The following LRPPRC variants were observed in gnomAD, a reference collection of about 807,000 sequenced individuals.
LRPPRC encodes leucine rich pentatricopeptide repeat containing, also known as leucine-rich PPR motif-containing protein, mitochondrial.
In LRPPRC, 120 loss-of-function variants were observed where a neutral mutation model predicts 180.3. The observed-to-expected ratio is 0.67, with a 90% CI of 0.57 to 0.77. LRPPRC has a LOEUF of 0.77. LRPPRC is among the 30% of genes least tolerant of loss of function. LRPPRC has a pLI of 0.00. For missense variants in LRPPRC, 2,012 were observed against 1,657.2 expected, an observed-to-expected ratio of 1.21 and a Z score of -3.72; for synonymous variants, 723 against 600.0, an observed-to-expected ratio of 1.21 and a Z score of -3.00.
intron 14 of LRPPRC, 135 bp downstream of exon 14, chr2:43,957,250 G>A (rs1673154900): frequency 5.5e-6 from 4 of 731,512 alleles, no homozygotes; most frequent in African/African-American, 3.5e-5. Flanking sequence ...AATTAAACAA[G>A]CAAAGGTTAT....
chr2:43,922,247 G>C lies in LRPPRC; in HGVS notation c.2896+2820C>G, dbSNP rs374099848. On this transcript the variant is annotated intron_variant, in intron 27 of 37. Coordinates refer to ENST00000260665, the MANE Select transcript of LRPPRC (RefSeq NM_133259.4). ...AGCAGTTTTATATTAATAAAAGCTA[G>C]TATTTAAATGTATGTAAGACTTACA... Among the ~76,000 whole-genome samples the C allele has an allele frequency of 9.8e-5, 15 of 152,298 alleles. No individual in the cohort carries two copies. In the South Asian group the frequency reaches 1.5e-3, roughly 15 times the overall value.
At position 43,888,588 on chromosome 2, in the gene LRPPRC, C is replaced by T. The variant is rs765322876; in HGVS notation, c.*12G>A. 1.1e-5 allele frequency: 17 copies of T among 1,509,882 alleles called. No homozygotes were observed. The highest frequency in any genetic ancestry group is 1.7e-4 in the Middle Eastern group (1 of 5,726). The allele number at this position is 1,509,882 out of a possible 1,614,324, so 93.5% of individuals were successfully genotyped here. On this transcript the variant is annotated 3_prime_UTR_variant, in exon 38 of 38. Coordinates refer to ENST00000260665, the MANE Select transcript of LRPPRC (RefSeq NM_133259.4). Reference sequence around the variant, plus strand: ...CACAAATATATACAAAACAAAGTATCGCCTGGTTATTTCAAGAAGAGTTTT... The same window carrying T: ...CACAAATATATACAAAACAAAGTATTGCCTGGTTATTTCAAGAAGAGTTTT...
chr2:43,935,774 TA>T (rs1256497512), intron 23 of LRPPRC, among the ~76,000 whole-genome samples: 1 of 151,800 alleles, frequency 6.6e-6, no homozygotes, highest in Non-Finnish European at 1.5e-5. Context: ...ACAGGTAATA[TA>T]AAAAAAATAA....
At chr2:43,978,527 A>G (rs1674159302) in intron 3 of LRPPRC, among the ~76,000 whole-genome samples, 1 of 152,150 alleles carries the variant, frequency 6.6e-6, no homozygotes, top group Non-Finnish European at 1.5e-5. Context: ...TTTTCTGCAT[A>G]TATTTCTCCC....
In LRPPRC at chr2:43,946,175, A is replaced by C. The variant is rs778598120; in HGVS notation, c.2148T>G (p.Ala716=). The C allele has an allele frequency of 6.2e-7, 1 of 1,610,728 alleles. No homozygotes were observed. Among genetic ancestry groups the C allele is most frequent in the Non-Finnish European group, 8.5e-7 (1 of 1,177,086 alleles). Residue 716 remains alanine (A), a synonymous_variant, in exon 21 of 38, where the codon GCT becomes GCG. Transcript: ENST00000260665. ...ESDMVTGGYA[A]LINLCCRHDK... is the part of the protein sequence containing the mutation. ...CATGTCGACAGCATAAATTTATTAA[A>C]GCTGCATAGCCACCAGTAACCATGT...
rs559147304 is a variant in LRPPRC at position 43,934,138 on chromosome 2, A to G, written c.2736+52T>C. 4 of 1,009,284 alleles carry G rather than the reference A, an allele frequency of 4.0e-6. No homozygotes were observed. In the African/African-American group the frequency reaches 6.3e-5, roughly 16 times the overall value. 62.5% of individuals were successfully genotyped at this position (1,009,284 alleles called of 1,614,324 possible). A position where few individuals can be genotyped will look rare whatever the true frequency, so the allele number is the denominator to read the frequency against. ...AGGTTAAAATTTTTAAATGTATTCTAATTAAGAGTCTAAATAGCTCTACAA... is the reference window on the plus strand; with the variant it reads ...AGGTTAAAATTTTTAAATGTATTCTGATTAAGAGTCTAAATAGCTCTACAA... On this transcript the variant is annotated intron_variant, in intron 25 of 37. Coordinates refer to ENST00000260665, the MANE Select transcript of LRPPRC (RefSeq NM_133259.4).
intron 32 of LRPPRC, among the ~76,000 whole-genome samples, chr2:43,900,117 T>C (rs1670832731): frequency 6.6e-6 from 1 of 152,164 alleles, no homozygotes; most frequent in African/African-American, 2.4e-5. Context: ...TGTCTCTAAC[T>C]TATGGTCGCC....
At chr2:43,949,442 A>G (rs1033735487) in intron 16 of LRPPRC, among the ~76,000 whole-genome samples, 160 bp downstream of exon 16, 2 of 152,246 alleles carry the variant, frequency 1.3e-5, no homozygotes, top group East Asian at 3.8e-4. Flanking sequence ...CAAACACTTT[A>G]GATCTCAAAA....
chr2:43,954,457 T>C (rs1437308257), intron 14 of LRPPRC, among the ~76,000 whole-genome samples: 1 of 152,216 alleles, frequency 6.6e-6, no homozygotes, highest in Non-Finnish European at 1.5e-5. Flanking sequence ...TGTCTAATAC[T>C]TGTAAGTTTG....
intron 6 of LRPPRC, 47 bp from the exon 7 acceptor site, chr2:43,975,264 AAT>A (rs1295917875): frequency 6.5e-7 from 1 of 1,545,252 alleles, no homozygotes; most frequent in African/African-American, 1.4e-5. Flanking sequence ...TGCCAAATTT[AAT>A]ATAGTTATTC....
intron 5 of LRPPRC, among the ~76,000 whole-genome samples, chr2:43,976,529 T>C (rs1280277533): frequency 3.9e-5 from 6 of 152,132 alleles, no homozygotes; most frequent in African/African-American, 1.4e-4. Flanking sequence ...CATAAGATTC[T>C]TTTAGATAAA....
intron 36 of LRPPRC, among the ~76,000 whole-genome samples, chr2:43,893,739 G>A (rs970711599): frequency 1.2e-4 from 18 of 152,016 alleles, no homozygotes; most frequent in African/African-American, 4.1e-4. Context: ...TTTAGTTACT[G>A]GAAATTTGAT....
At chr2:43,986,216 T>A (rs1674520662) in intron 1 of LRPPRC, among the ~76,000 whole-genome samples, 1 of 152,170 alleles carries the variant, frequency 6.6e-6, no homozygotes, top group East Asian at 1.9e-4. Context: ...CTGCAACCTC[T>A]GCCTCAGGAT....
At chr2:43,966,567 C>T (rs539792578) in intron 11 of LRPPRC, among the ~76,000 whole-genome samples, 6 of 151,688 alleles carry the variant, frequency 4.0e-5, no homozygotes, top group Non-Finnish European at 7.4e-5. Context: ...CACGCCACCA[C>T]GCCGAGTAAT....
Position 43,981,087 on chromosome 2 carries a change from C to T in LRPPRC, c.347-1139G>A, listed in dbSNP as rs991789662. On this transcript the variant is annotated intron_variant, in intron 2 of 37. Transcript: ENST00000260665. ...CTACAGAATCCTCTTAAACTGCATG[C>T]AAAATTATGCATATGTTTGCATGAG... Among the ~76,000 whole-genome samples, 7 of 151,668 alleles carry T rather than the reference C, an allele frequency of 4.6e-5. 1 individual carries two copies. Among genetic ancestry groups the T allele is most frequent in the Admixed American group, 4.6e-4 (7 of 15,228 alleles).
At chr2:43,906,604 A>C (rs751608755) in intron 30 of LRPPRC, among the ~76,000 whole-genome samples, 2 of 152,224 alleles carry the variant, frequency 1.3e-5, no homozygotes, top group African/African-American at 2.4e-5. Flanking sequence ...TAGAAAATCT[A>C]AACAGGTCAA....
At chr2:43,896,196 C>CCAT (rs1297410317) in intron 35 of LRPPRC, 1 of 156,398 alleles carries the variant, frequency 6.4e-6, no homozygotes, top group Non-Finnish European at 1.3e-5. Context: ...TTTTAATCTT[C>CCAT]CATTTCTTTC....
At chr2:43,985,646 C>G (rs918686408) in intron 1 of LRPPRC, among the ~76,000 whole-genome samples, 1 of 152,190 alleles carries the variant, frequency 6.6e-6, no homozygotes, top group Non-Finnish European at 1.5e-5. Context: ...TCCTCCATGT[C>G]TTTTCACAGC....
intron 2 of LRPPRC, among the ~76,000 whole-genome samples, chr2:43,980,295 G>A (rs1328953500): frequency 2.6e-5 from 4 of 152,080 alleles, no homozygotes; most frequent in African/African-American, 9.7e-5. Context: ...AGGGCCAGGC[G>A]CGAATCCCAG....
Sources: allele counts gnomAD v4.1 joint callset (sites outside exome capture counted in the v4.1 genomes callset), GRCh38; gene constraint gnomAD v4.1.1; transcripts MANE v1.5; gene names NCBI Gene and HGNC (gene_info 2026-07-23, HGNC 2026-07-21).